RBMS3: variants seen among roughly 807,000 people sequenced by gnomAD.
The protein encoded by RBMS3 is RNA binding motif single stranded interacting protein 3, also known as RNA-binding motif, single-stranded-interacting protein 3.
RBMS3 carries 27 observed loss-of-function variants against 66.8 expected under a neutral mutation model. The observed-to-expected ratio is 0.40, with a 90% CI of 0.30 to 0.56. The LOEUF is 0.56. Among genes scored for constraint, RBMS3 ranks in the 20% least tolerant of loss-of-function variants. RBMS3 has a pLI of 0.40. For missense variants in RBMS3, 513 were observed against 549.5 expected (o/e 0.93, Z 0.66); for synonymous variants, 188 against 183.0 (o/e 1.03, Z -0.22).
chr3:29,932,486 G>A (rs1248231188), intron 10 of RBMS3, among the ~76,000 whole-genome samples: 1 of 152,152 alleles, frequency 6.6e-6, no homozygotes, highest in Non-Finnish European at 1.5e-5. Context: ...CCTAATCCCA[G>A]AGAGTCTAAT....
At chr3:29,468,912 A>G (rs1174482672) in intron 2 of RBMS3, among the ~76,000 whole-genome samples, 1 of 152,134 alleles carries the variant, frequency 6.6e-6, no homozygotes. Flanking sequence ...TCTAGTTGCT[A>G]TTTTTGTGTG....
chr3:29,712,331 G>A (rs556848712), intron 4 of RBMS3, among the ~76,000 whole-genome samples: 1 of 151,836 alleles, frequency 6.6e-6, no homozygotes, highest in South Asian at 2.1e-4. Context: ...TTATTATTTT[G>A]AGACAGGGTC....
chr3:29,653,895 A>C (rs7614277), intron 4 of RBMS3, among the ~76,000 whole-genome samples: 10,992 of 151,932 alleles, frequency 0.072, 455 homozygotes, highest in Non-Finnish European at 0.083. Flanking sequence ...TTAGTCCTCA[A>C]CTCCAAGGTC....
At chr3:29,917,599 A>C (rs935945009) in intron 10 of RBMS3, among the ~76,000 whole-genome samples, 1 of 151,930 alleles carries the variant, frequency 6.6e-6, no homozygotes, top group African/African-American at 2.4e-5. Flanking sequence ...TGGGACTCTA[A>C]TCTCATGCAT....
intron 10 of RBMS3, among the ~76,000 whole-genome samples, chr3:29,904,426 A>G (rs2060327353): frequency 6.6e-6 from 1 of 151,822 alleles, no homozygotes; most frequent in Non-Finnish European, 1.5e-5. Context: ...TTGTATTATG[A>G]TTTGCTTTAT....
intron 1 of RBMS3, among the ~76,000 whole-genome samples, chr3:29,308,220 CAT>C (rs2034135430): frequency 6.6e-6 from 1 of 151,840 alleles, no homozygotes; most frequent in African/African-American, 2.4e-5. Context: ...ACAAACTTCT[CAT>C]AGAGAGTTCA....
chr3:29,310,716 C>T (rs550516246), intron 1 of RBMS3, among the ~76,000 whole-genome samples: 3 of 151,736 alleles, frequency 2.0e-5, no homozygotes, highest in African/African-American at 7.2e-5. Context: ...ATTAGGCTAA[C>T]GCTGAAGGGA....
chr3:29,478,373 G>A (rs1003031850), intron 2 of RBMS3, among the ~76,000 whole-genome samples: 2 of 152,146 alleles, frequency 1.3e-5, no homozygotes, highest in Non-Finnish European at 2.9e-5. Flanking sequence ...CCTAAATGGT[G>A]CCTTCCAGCT....
rs570549637 is a variant in RBMS3, at chr3:29,323,122, C to T, written c.75+41366C>T. Among the ~76,000 whole-genome samples the T allele has an allele frequency of 1.8e-4, 28 of 152,296 alleles. 1 individual carries two copies. In the South Asian group the frequency reaches 5.6e-3, roughly 30 times the overall value. The stretch of plus-strand genomic sequence containing the variant: ...GTCAAGAAAGACTGAAGCTCAGACA[C>T]ATTGTCACTGGTGTAATCTCCACCT... On this transcript the variant is annotated intron_variant, in intron 1 of 14. Coordinates refer to ENST00000383767, the MANE Select transcript of RBMS3 (RefSeq NM_001003793.3).
At chr3:29,652,198 G>T (rs1022081967) in intron 4 of RBMS3, among the ~76,000 whole-genome samples, 2 of 152,026 alleles carry the variant, frequency 1.3e-5, no homozygotes, top group Non-Finnish European at 2.9e-5. Context: ...AATGTACAGA[G>T]ATTAATGTGG....
At chr3:29,794,382 C>G (rs918734670) in intron 6 of RBMS3, among the ~76,000 whole-genome samples, 1 of 151,934 alleles carries the variant, frequency 6.6e-6, no homozygotes, top group Non-Finnish European at 1.5e-5. Flanking sequence ...GTCAGGAGAT[C>G]GAGACCATCC....
chr3:29,397,041 A>G (rs1001829105), intron 1 of RBMS3, among the ~76,000 whole-genome samples: 3 of 152,190 alleles, frequency 2.0e-5, no homozygotes, highest in Non-Finnish European at 4.4e-5. Flanking sequence ...TAATAATGAA[A>G]TTGTGCATCA....
chr3:29,962,042 TTA>T (rs1696495685), intron 12 of RBMS3, among the ~76,000 whole-genome samples: 1 of 144,928 alleles, frequency 6.9e-6, no homozygotes, highest in South Asian at 2.1e-4. Flanking sequence ...GTATAATATA[TTA>T]TATATGTGTA....
intron 4 of RBMS3, among the ~76,000 whole-genome samples, chr3:29,603,469 C>G (rs1453258334): frequency 1.3e-5 from 2 of 151,840 alleles, no homozygotes; most frequent in African/African-American, 4.8e-5. Flanking sequence ...TTTTGCCCAC[C>G]ATAGAGGACA....
chr3:29,562,208 C>T (rs1370113709), intron 3 of RBMS3, among the ~76,000 whole-genome samples: 3 of 152,078 alleles, frequency 2.0e-5, no homozygotes, highest in Non-Finnish European at 4.4e-5. Flanking sequence ...TAGAATTTAG[C>T]GTGGCTGGAT....
At position 29,872,412 on chromosome 3, in the gene RBMS3, C is replaced by T. The variant is rs368194564; in HGVS notation, c.744+3448C>T. ...CTTCAGCATTCTCTCTTTTTCTATA[C>T]TCTGTCTTGCTTTAAACATGTAGAG... On this transcript the variant is annotated intron_variant, in intron 7 of 14. Coordinates refer to ENST00000383767, the MANE Select transcript of RBMS3 (RefSeq NM_001003793.3). Among the ~76,000 whole-genome samples the T allele has an allele frequency of 1.1e-4, 17 of 152,174 alleles. 1 individual carries two copies. Among genetic ancestry groups the T allele is most frequent in the African/African-American group, 4.1e-4 (17 of 41,518 alleles).
intron 1 of RBMS3, among the ~76,000 whole-genome samples, chr3:29,312,811 C>T (rs369605922): frequency 5.9e-5 from 9 of 151,602 alleles, no homozygotes; most frequent in South Asian, 2.1e-4. Context: ...TGTAGAACTG[C>T]GCTTCCCTGG....
chr3:29,900,646 T>G (rs1254843723), intron 10 of RBMS3, among the ~76,000 whole-genome samples: 1 of 151,740 alleles, frequency 6.6e-6, no homozygotes, highest in Non-Finnish European at 1.5e-5. Context: ...GTGACTCTTC[T>G]GGGTATGCTC....
chr3:29,671,508 C>G (rs1278226546), intron 4 of RBMS3, among the ~76,000 whole-genome samples: 1 of 152,118 alleles, frequency 6.6e-6, no homozygotes, highest in Admixed American at 6.5e-5. Context: ...ATGTTCGAAC[C>G]CATCGCAAAG....
Sources: allele counts gnomAD v4.1 joint callset (sites outside exome capture counted in the v4.1 genomes callset), GRCh38; gene constraint gnomAD v4.1.1; transcripts MANE v1.5; gene names NCBI Gene and HGNC (gene_info 2026-07-23, HGNC 2026-07-21).